Variants in ARL17B observed in about 807,000 individuals in gnomAD.
ARL17B encodes the protein ADP-ribosylation factor-like protein 17.
chr17:46,282,391 C>T (rs2049790069), intron 4 of ARL17B, among the ~76,000 whole-genome samples: 1 of 152,100 alleles, frequency 6.6e-6, no homozygotes, highest in African/African-American at 2.4e-5. Flanking sequence ...GCGTGATCCA[C>T]CGCACCTGGC....
rs1421517076 is a variant in ARL17B, at chr17:46,323,454, C to T, written c.260-23789G>A. Among the ~76,000 whole-genome samples the T allele has an allele frequency of 3.3e-4, 33 of 99,350 alleles. 7 individuals carry two copies. The highest frequency in any genetic ancestry group is 1.0e-3 in the African/African-American group (31 of 30,874). 65.2% of individuals were successfully genotyped at this position (99,350 alleles called of 152,430 possible). ...CTCTGTCGCCCAGGCTGCAGTGCAG[C>T]GGCATGACCTAGGCTCACTGCAACC... On this transcript the variant is annotated intron_variant, in intron 3 of 4. Coordinates refer to the ARL17B transcript ENST00000434041.
chr17:46,352,621 CA>C, intron 3 of ARL17B, 198 bp downstream of exon 3: 1 of 167,804 alleles, frequency 6.0e-6, no homozygotes, highest in Non-Finnish European at 1.1e-5. Flanking sequence ...AAGATCACAC[CA>C]CTGCACTCCA....
intron 3 of ARL17B, among the ~76,000 whole-genome samples, chr17:46,316,541 T>C (rs2051116286): frequency 1.6e-5 from 1 of 62,270 alleles, no homozygotes; most frequent in Admixed American, 1.7e-4. Context: ...GCTTAAGCAA[T>C]GCTGTCACCT....
At chr17:46,351,563 ATTTG>A (rs2052742201) in intron 3 of ARL17B, among the ~76,000 whole-genome samples, 1 of 125,572 alleles carries the variant, frequency 8.0e-6, no homozygotes, top group Admixed American at 8.3e-5. Flanking sequence ...CTGTCTTTGT[ATTTG>A]TTTTAGATTT....
At chr17:46,279,500 C>CT (rs369361891) in intron 4 of ARL17B, among the ~76,000 whole-genome samples, 46,120 of 121,672 alleles carry the variant, frequency 0.38, 9,416 homozygotes, top group South Asian at 0.64. Context: ...TTCTTTCTTT[C>CT]TTTTTTTTTT....
chr17:46,277,839 G>C (rs1273044116), intron 4 of ARL17B, among the ~76,000 whole-genome samples: 2 of 152,008 alleles, frequency 1.3e-5, no homozygotes, highest in Non-Finnish European at 2.9e-5. Context: ...TAGAGACAAG[G>C]TTTTACCATA....
At chr17:46,314,766 TC>T (rs2050979401) in intron 3 of ARL17B, among the ~76,000 whole-genome samples, 1 of 81,852 alleles carries the variant, frequency 1.2e-5, no homozygotes, top group African/African-American at 3.1e-5. Flanking sequence ...CAAGCATTTT[TC>T]CATCTACATT....
chr17:46,290,971 G>A (rs891084988), intron 4 of ARL17B, among the ~76,000 whole-genome samples: 1 of 152,210 alleles, frequency 6.6e-6, no homozygotes, highest in African/African-American at 2.4e-5. Flanking sequence ...ACTACCTCAG[G>A]AAGCTTTTAA....
intron 4 of ARL17B, among the ~76,000 whole-genome samples, chr17:46,291,139 C>T (rs1163227593): frequency 6.6e-6 from 1 of 152,222 alleles, no homozygotes; most frequent in Non-Finnish European, 1.5e-5. Flanking sequence ...GACTGAACTT[C>T]TTCTTTGGTT....
At chr17:46,285,465 C>G (rs1352337072) in intron 4 of ARL17B, among the ~76,000 whole-genome samples, 2 of 152,030 alleles carry the variant, frequency 1.3e-5, no homozygotes, top group Middle Eastern at 6.3e-3. Context: ...TGGTCTCAAA[C>G]TCCTGACCTC....
intron 4 of ARL17B, among the ~76,000 whole-genome samples, chr17:46,276,382 A>G (rs1303284098): frequency 3.3e-5 from 5 of 152,276 alleles, no homozygotes; most frequent in Non-Finnish European, 7.3e-5. Flanking sequence ...CATCGTTAAC[A>G]TTAAAAAATT....
intron 4 of ARL17B, among the ~76,000 whole-genome samples, chr17:46,281,186 G>T (rs1299683307): frequency 6.6e-6 from 1 of 151,994 alleles, no homozygotes; most frequent in Admixed American, 6.6e-5. Context: ...TTTTCCATTT[G>T]TCCACCTGGC....
intron 3 of ARL17B, among the ~76,000 whole-genome samples, chr17:46,317,114 A>G (rs1186360715): frequency 2.3e-5 from 2 of 87,330 alleles, no homozygotes; most frequent in African/African-American, 3.0e-5. Context: ...CCCGTTCTCA[A>G]TGAGCTGTTG....
chr17:46,291,350 A>G (rs2050061119), intron 4 of ARL17B, among the ~76,000 whole-genome samples: 1 of 152,192 alleles, frequency 6.6e-6, no homozygotes, highest in Non-Finnish European at 1.5e-5. Context: ...AACAATCTCA[A>G]TGGAACAGAC....
intron 3 of ARL17B, among the ~76,000 whole-genome samples, chr17:46,324,838 T>TAAAAAAAA (rs1276976720): frequency 1.3e-5 from 1 of 74,910 alleles, no homozygotes; most frequent in African/African-American, 3.4e-5. Context: ...AGACCCTGTC[T>TAAAAAAAA]AAAATATATA....
chr17:46,282,014 CTA>C (rs1032043496), intron 4 of ARL17B, among the ~76,000 whole-genome samples: 1 of 151,992 alleles, frequency 6.6e-6, no homozygotes, highest in Non-Finnish European at 1.5e-5. Flanking sequence ...GCTTCCTTGC[CTA>C]TATATATATT....
chr17:46,289,465 C>T (rs2050008303), intron 4 of ARL17B, among the ~76,000 whole-genome samples: 1 of 152,268 alleles, frequency 6.6e-6, no homozygotes, highest in East Asian at 1.9e-4. Flanking sequence ...GCCACTTGTA[C>T]CCAGCCATAA....
rs550407762 is a variant in ARL17B, at chr17:46,282,305, G to A, written c.*22-6887C>T. ...TTTTTAGTAGAGACGGGGTTTCACC[G>A]TGTTAGCCAGGATGGTCTCGATCTC... is the stretch of plus-strand genomic sequence containing the variant. On this transcript the variant is annotated intron_variant, in intron 4 of 4. Transcript: ENST00000570618. 4.1e-4 allele frequency among the ~76,000 whole-genome samples: 63 copies of A among 151,820 alleles called. 1 individual carries two copies. The highest frequency in any genetic ancestry group is 1.3e-3 in the African/African-American group (54 of 41,334).
intron 4 of ARL17B, among the ~76,000 whole-genome samples, chr17:46,291,565 C>T (rs539427371): frequency 6.6e-6 from 1 of 151,636 alleles, no homozygotes; most frequent in Admixed American, 6.5e-5. Flanking sequence ...AACAACACTC[C>T]TCTCACTCAA....
Sources: allele counts gnomAD v4.1 joint callset (sites outside exome capture counted in the v4.1 genomes callset), GRCh38; gene constraint gnomAD v4.1.1; transcripts MANE v1.5; gene names NCBI Gene and HGNC (gene_info 2026-07-23, HGNC 2026-07-21).